Variants in FHIT observed in about 807,000 individuals in gnomAD.
The protein encoded by FHIT is bis(5'-adenosyl)-triphosphatase.
Under a neutral mutation model 17.9 loss-of-function variants are expected in FHIT, and 19 were observed. The observed-to-expected ratio is 1.06, with a 90% CI of 0.74 to 1.56. FHIT has a LOEUF of 1.56. Ranked by LOEUF, FHIT falls within the 40% of genes most tolerant of loss-of-function variation. FHIT has a pLI of 0.00. For synonymous variants in FHIT, 81 were observed against 69.7 expected (o/e 1.16, Z -0.81); for missense variants, 248 against 189.2 (o/e 1.31, Z -1.82).
At chr3:59,857,705 G>GGTTTTTTTTTT (rs1322924192) in intron 8 of FHIT, among the ~76,000 whole-genome samples, 1 of 115,436 alleles carries the variant, frequency 8.7e-6, no homozygotes, top group African/African-American at 3.6e-5. Context: ...AAAGTGCTGG[G>GGTTTTTTTTTT]TTTTTTTTTT....
intron 4 of FHIT, among the ~76,000 whole-genome samples, chr3:60,795,772 C>G (rs1553730110): frequency 1.3e-5 from 2 of 152,178 alleles, no homozygotes; most frequent in Non-Finnish European, 2.9e-5. Flanking sequence ...GCCTCGGCCT[C>G]CCAAAGTGTT....
chr3:59,828,873 G>GTGTT lies in FHIT; in HGVS notation c.349-76553_349-76552insAACA, dbSNP rs1338557785. Among the ~76,000 whole-genome samples the GTGTT allele has an allele frequency of 2.0e-5, 3 of 151,360 alleles. No individual in the cohort carries two copies. The East Asian group carries it at 5.8e-4, about 29-fold the overall frequency. ...TGTGTGTGTGTGTGTGTGTGTGTGT[G>GTGTT]TATCCTACCAAATTCCTTAGTTAAT... On this transcript the variant is annotated intron_variant, in intron 8 of 9. Coordinates refer to ENST00000492590, the MANE Select transcript of FHIT (RefSeq NM_002012.4).
chr3:60,681,177 C>T (rs755704319), intron 4 of FHIT, among the ~76,000 whole-genome samples: 31 of 152,146 alleles, frequency 2.0e-4, no homozygotes, highest in African/African-American at 2.9e-4. Context: ...GTTCATTTCA[C>T]GTCTATGTAT....
intron 5 of FHIT, among the ~76,000 whole-genome samples, chr3:60,535,321 A>T (rs1447408785): frequency 6.6e-6 from 1 of 152,232 alleles, no homozygotes; most frequent in South Asian, 2.1e-4. Context: ...GTCTAAATTC[A>T]TATTTTCATC....
chr3:60,721,761 A>C (rs1400487430), intron 4 of FHIT, among the ~76,000 whole-genome samples: 5 of 152,200 alleles, frequency 3.3e-5, no homozygotes, highest in Non-Finnish European at 5.9e-5. Context: ...GTTCCAGGAC[A>C]CAGGCTTTTC....
At chr3:59,985,642 A>C (rs992902284) in intron 7 of FHIT, among the ~76,000 whole-genome samples, 110 of 152,290 alleles carry the variant, frequency 7.2e-4, no homozygotes, top group African/African-American at 2.6e-3. Flanking sequence ...CTTAGCTGTG[A>C]GTACTCAATT....
At chr3:60,477,756 G>A (rs1013609707) in intron 5 of FHIT, among the ~76,000 whole-genome samples, 12 of 152,142 alleles carry the variant, frequency 7.9e-5, no homozygotes, top group Admixed American at 2.0e-4. Context: ...TCAGGAATCA[G>A]GTAGAGACCA....
intron 5 of FHIT, among the ~76,000 whole-genome samples, chr3:60,085,833 G>T (rs1029941498): frequency 6.6e-6 from 1 of 152,208 alleles, no homozygotes; most frequent in African/African-American, 2.4e-5. Context: ...CTGCTGGCAG[G>T]ATAAGTGACA....
intron 8 of FHIT, among the ~76,000 whole-genome samples, chr3:59,919,741 C>A (rs1705311645): frequency 6.6e-6 from 1 of 152,190 alleles, no homozygotes; most frequent in Admixed American, 6.5e-5. Context: ...TCCCACCCTC[C>A]AAGGCAGTCT....
intron 2 of FHIT, among the ~76,000 whole-genome samples, chr3:61,190,811 C>T: frequency 6.6e-6 from 1 of 151,740 alleles, no homozygotes; most frequent in Non-Finnish European, 1.5e-5. Context: ...AACCATCATT[C>T]TCAGCAAACT....
chr3:60,987,959 G>C (rs2029868459), intron 3 of FHIT, among the ~76,000 whole-genome samples: 1 of 152,080 alleles, frequency 6.6e-6, no homozygotes, highest in African/African-American at 2.4e-5. Context: ...TTTCCATCCG[G>C]ATTCTAAAAT....
chr3:59,985,533 A>G (rs997538022), intron 7 of FHIT, among the ~76,000 whole-genome samples: 1 of 152,178 alleles, frequency 6.6e-6, no homozygotes, highest in African/African-American at 2.4e-5. Flanking sequence ...TACATAATTT[A>G]GAATTTGCTA....
intron 5 of FHIT, chr3:60,535,975 CA>C (rs1263973723): frequency 6.6e-6 from 1 of 152,036 alleles, no homozygotes; most frequent in Non-Finnish European, 1.5e-5. Context: ...CATTTCAAAG[CA>C]AAATCATGTC....
At position 60,652,948 on chromosome 3, in the gene FHIT, CAAAA is replaced by C. The variant is rs781951912; in HGVS notation, c.-17-115973_-17-115970del. On this transcript the variant is annotated intron_variant, in intron 4 of 9. Coordinates refer to ENST00000492590, the MANE Select transcript of FHIT (RefSeq NM_002012.4). ...CAAAACAAAACAAAACAAAACAAAACAAAACAAAACCTTACTCTAGCACATTGCG... is the reference window on the plus strand; with the variant it reads ...CAAAACAAAACAAAACAAAACAAAACCAAAACCTTACTCTAGCACATTGCG... Among the ~76,000 whole-genome samples the C allele has an allele frequency of 9.7e-3, 1,461 of 151,016 alleles. 17 individuals are homozygous for C. Among genetic ancestry groups the C allele is most frequent in the Middle Eastern group, 0.017 (5 of 294 alleles).
intron 4 of FHIT, among the ~76,000 whole-genome samples, chr3:60,584,153 G>A (rs1233551308): frequency 2.0e-5 from 3 of 152,000 alleles, no homozygotes; most frequent in Non-Finnish European, 4.4e-5. Context: ...TCTCCTATCA[G>A]CTCATAGAAG....
At chr3:60,687,969 CT>C (rs560124953) in intron 4 of FHIT, among the ~76,000 whole-genome samples, 133 of 148,880 alleles carry the variant, frequency 8.9e-4, no homozygotes, top group African/African-American at 2.4e-3. Context: ...GCCAAGATTA[CT>C]TTTTTTTTTA....
chr3:60,362,120 T>C (rs1576538681), intron 5 of FHIT, among the ~76,000 whole-genome samples: 2 of 152,168 alleles, frequency 1.3e-5, no homozygotes, highest in Non-Finnish European at 2.9e-5. Flanking sequence ...TATAGCATGA[T>C]GTTATAGAAT....
At chr3:61,124,872 G>A (rs1442847416) in intron 2 of FHIT, among the ~76,000 whole-genome samples, 1 of 152,094 alleles carries the variant, frequency 6.6e-6, no homozygotes. Context: ...ATCTGCTAGT[G>A]TTTTCCATTT....
At chr3:60,030,204 T>C (rs903550474) in intron 5 of FHIT, among the ~76,000 whole-genome samples, 3 of 152,146 alleles carry the variant, frequency 2.0e-5, no homozygotes, top group Middle Eastern at 3.2e-3. Context: ...GATTACATAA[T>C]GAGTAACATC....
Sources: gnomAD v4.1 joint callset for allele counts (sites outside exome capture counted in the v4.1 genomes callset) on GRCh38, gnomAD v4.1.1 for gene constraint, MANE v1.5 for transcripts, NCBI Gene and HGNC (gene_info 2026-07-23, HGNC 2026-07-21) for gene names.